The following FRAS1 variants were observed in gnomAD, a reference collection of about 807,000 sequenced individuals.
The protein encoded by FRAS1 is Fraser extracellular matrix complex subunit 1.
In FRAS1, 290 loss-of-function variants were observed where a neutral mutation model predicts 435.2. That is an observed-to-expected ratio of 0.67 (90% CI 0.61 to 0.73). The LOEUF is 0.73. Among genes scored for constraint, FRAS1 ranks in the 30% least tolerant of loss-of-function variants. The pLI, the probability that FRAS1 is intolerant of heterozygous loss-of-function variation, is 0.00. For missense variants in FRAS1, 4,860 were observed against 5,001.5 expected (o/e 0.97, Z 0.85); for synonymous variants, 1,800 against 1,851.0 (o/e 0.97, Z 0.71).
rs562953928 is a variant in FRAS1 at position 78,298,130 on chromosome 4, T to C, written c.1535-9936T>C. 1.2e-4 allele frequency among the ~76,000 whole-genome samples: 18 copies of C among 147,628 alleles called. No individual in the cohort carries two copies. In the East Asian group the frequency reaches 3.3e-3, roughly 27 times the overall value. ...AAGGTATGTGTATATATATTTAAGG[T>C]ATATAACATATTATAAGGTGCATAT... On this transcript the variant is annotated intron_variant, in intron 14 of 73. Coordinates refer to ENST00000512123, the MANE Select transcript of FRAS1 (RefSeq NM_025074.7).
chr4:78,473,067 T>C (rs1719756402), intron 52 of FRAS1, among the ~76,000 whole-genome samples: 1 of 152,220 alleles, frequency 6.6e-6, no homozygotes, highest in Non-Finnish European at 1.5e-5. Flanking sequence ...GGTCTGAGTA[T>C]GAGGCTATAA....
chr4:78,530,238 G>A (rs1721670742), intron 70 of FRAS1, among the ~76,000 whole-genome samples: 1 of 152,056 alleles, frequency 6.6e-6, no homozygotes, highest in Admixed American at 6.6e-5. Context: ...ACGACGGTTT[G>A]AAACTGGCTA....
intron 2 of FRAS1, among the ~76,000 whole-genome samples, chr4:78,195,696 G>A (rs1261645247): frequency 6.6e-6 from 1 of 152,160 alleles, no homozygotes; most frequent in East Asian, 1.9e-4. Context: ...CTAGGAAAGG[G>A]ATTCCCCTGA....
intron 27 of FRAS1, among the ~76,000 whole-genome samples, chr4:78,382,241 T>C (rs1732050412): frequency 6.6e-6 from 1 of 151,930 alleles, no homozygotes; most frequent in African/African-American, 2.4e-5. Context: ...CTTTCTTTTT[T>C]CAGGGGTGGT....
rs1000853160 is a variant in FRAS1 at position 78,473,651 on chromosome 4, G to C, written c.7682+54G>C. 37 of 1,431,216 alleles carry C rather than the reference G, an allele frequency of 2.6e-5. No homozygotes were observed. The African/African-American group carries it at 4.2e-4, about 16-fold the overall frequency. The allele number at this position is 1,431,216 out of a possible 1,614,324, so 88.7% of individuals were successfully genotyped here. On this transcript the variant is annotated intron_variant, in intron 53 of 73. Transcript: ENST00000512123. ...GAGAAATCAATCAGGCAAGCAGAGGGAGTCAGGATGAAGGATGCTGGGGGG... is the reference window on the plus strand; with the variant it reads ...GAGAAATCAATCAGGCAAGCAGAGGCAGTCAGGATGAAGGATGCTGGGGGG...
rs1049805932 is a variant in FRAS1, at chr4:78,429,042, G to C, written c.4712-53G>C. On this transcript the variant is annotated intron_variant, in intron 35 of 73. Transcript: ENST00000512123. ...AGTTGATTCGTGTGTGTGTGTGCGT[G>C]TCTCTGTGTGTGTGTGTGTGTCTCT... The C allele has an allele frequency of 6.3e-6, 9 of 1,419,704 alleles. No homozygotes were observed. In the Admixed American group the frequency reaches 2.1e-4, roughly 33 times the overall value. The allele number at this position is 1,419,704 out of a possible 1,614,324, so 87.9% of individuals were successfully genotyped here. A position where few individuals can be genotyped will look rare whatever the true frequency, so the allele number is the denominator to read the frequency against.
Position 78,255,273 on chromosome 4 carries a change from G to A in FRAS1, c.501G>A (p.Gln167=), listed in dbSNP as rs984997081. 5 of 1,554,018 alleles carry A rather than the reference G, an allele frequency of 3.2e-6. No individual in the cohort carries two copies. The highest frequency in any genetic ancestry group is 1.4e-5 in the African/African-American group (1 of 73,386). Residue 167 remains glutamine (Q), a synonymous_variant, in exon 6 of 74, where the codon CAG becomes CAA. Transcript: ENST00000512123. The part of the protein sequence containing the change: ...KPCSYEGHVF[Q]DGEDWRLSRC... Reference sequence around the variant, plus strand: ...GTTCCTATGAAGGCCATGTGTTTCAGGATGGGGAGGACTGGCGGCTGAGCC... The same window carrying A: ...GTTCCTATGAAGGCCATGTGTTTCAAGATGGGGAGGACTGGCGGCTGAGCC...
At chr4:78,124,058 CA>C (rs1366538192) in intron 2 of FRAS1, among the ~76,000 whole-genome samples, 2 of 152,162 alleles carry the variant, frequency 1.3e-5, no homozygotes, top group Non-Finnish European at 2.9e-5. Context: ...TGCCAGTTTT[CA>C]AAGGGAATGC....
At chr4:78,273,726 T>C (rs886193686) in intron 9 of FRAS1, among the ~76,000 whole-genome samples, 1 of 152,244 alleles carries the variant, frequency 6.6e-6, no homozygotes, top group East Asian at 1.9e-4. Context: ...CAGTATTTTA[T>C]TGAGGATTTT....
chr4:78,112,710 A>T (rs1298379104), intron 2 of FRAS1, among the ~76,000 whole-genome samples: 1 of 152,070 alleles, frequency 6.6e-6, no homozygotes, highest in African/African-American at 2.4e-5. Context: ...TGCTTCATAG[A>T]TATATTTTTC....
chr4:78,346,383 G>C (rs397439), intron 20 of FRAS1, among the ~76,000 whole-genome samples: 10,094 of 152,216 alleles, frequency 0.066, 628 homozygotes, highest in African/African-American at 0.17. Context: ...TACAGGCCAA[G>C]ATAAGATTAA....
intron 14 of FRAS1, among the ~76,000 whole-genome samples, chr4:78,304,799 T>G (rs531235064): frequency 1.3e-5 from 2 of 150,894 alleles, no homozygotes; most frequent in Admixed American, 1.3e-4. Flanking sequence ...TTGTTGATCC[T>G]TTCAAAAAAC....
intron 6 of FRAS1, among the ~76,000 whole-genome samples, chr4:78,259,121 G>C (rs78916951): frequency 0.33 from 18,728 of 56,210 alleles, 3,093 homozygotes; most frequent in Middle Eastern, 0.54. Context: ...GGACATTTGT[G>C]TTGGTTCCAA....
intron 30 of FRAS1, 53 bp from the exon 31 acceptor site, chr4:78,407,610 G>A: frequency 2.7e-6 from 4 of 1,461,222 alleles, no homozygotes; most frequent in Non-Finnish European, 3.7e-6. Context: ...GGAGGTAAGG[G>A]CTCTGACTTT....
chr4:78,221,996 C>T (rs543189734), intron 2 of FRAS1, among the ~76,000 whole-genome samples: 103 of 152,256 alleles, frequency 6.8e-4, no homozygotes, highest in Non-Finnish European at 1.1e-3. Flanking sequence ...AGAACTTTCC[C>T]TGTTAACAGT....
Position 78,363,951 on chromosome 4 carries a change from C to T in FRAS1, c.2619C>T (p.Phe873=), listed in dbSNP as rs780694629. ...SCRTCQGRGP[F]SCSSCDTNLV... is the part of the protein sequence containing the mutation. ...GAACCTGCCAGGGCAGAGGACCTTTCTCCTGCTCCTCATGTGACACCAACC... is the reference window on the plus strand; with the variant it reads ...GAACCTGCCAGGGCAGAGGACCTTTTTCCTGCTCCTCATGTGACACCAACC... The change falls in exon 22 of 74, where the codon TTC becomes TTT. Residue 873 remains phenylalanine (F), a synonymous_variant. Coordinates refer to ENST00000512123, the MANE Select transcript of FRAS1 (RefSeq NM_025074.7). 6.2e-7 allele frequency: 1 copy of T among 1,613,502 alleles called. No homozygotes were observed. The highest frequency in any genetic ancestry group is 8.5e-7 in the Non-Finnish European group (1 of 1,179,710).
chr4:78,083,821 C>T (rs941448464), intron 2 of FRAS1, among the ~76,000 whole-genome samples: 4 of 151,970 alleles, frequency 2.6e-5, no homozygotes, highest in Admixed American at 2.6e-4. Context: ...TTACCTGGAT[C>T]ACTAATTTCA....
intron 42 of FRAS1, 95 bp from the exon 43 acceptor site, chr4:78,446,631 GA>G: frequency 6.8e-7 from 1 of 1,471,362 alleles, no homozygotes; most frequent in Non-Finnish European, 8.9e-7. Flanking sequence ...ATTTTGAGGT[GA>G]ACATTTCTGT....
intron 2 of FRAS1, among the ~76,000 whole-genome samples, chr4:78,149,177 C>T (rs1720542891): frequency 6.6e-6 from 1 of 152,116 alleles, no homozygotes; most frequent in African/African-American, 2.4e-5. Flanking sequence ...GCTGTACCCA[C>T]AGAGTGAAAG....
Sources: gnomAD v4.1 joint callset for allele counts (sites outside exome capture counted in the v4.1 genomes callset) on GRCh38, gnomAD v4.1.1 for gene constraint, MANE v1.5 for transcripts, NCBI Gene and HGNC (gene_info 2026-07-23, HGNC 2026-07-21) for gene names.